Variants in DLG2 observed in about 807,000 individuals in gnomAD.
The protein encoded by DLG2 is disks large homolog 2.
A neutral mutation model predicts 132.5 loss-of-function variants in DLG2; 45 were observed. The ratio of observed to expected loss-of-function variants is 0.34; its 90% CI spans 0.27 to 0.44. DLG2 has a LOEUF of 0.44. Among genes scored for constraint, DLG2 ranks in the 20% least tolerant of loss-of-function variants. The probability of loss-of-function intolerance (pLI) is 1.00; values close to 1 mark genes in which losing one functional copy is unlikely to be tolerated. For synonymous variants in DLG2, 424 were observed against 419.6 expected (o/e 1.01, Z -0.13); for missense variants, 1,045 against 1,196.9 (o/e 0.87, Z 1.87).
chr11:84,209,308 G>T (rs1457435368), intron 8 of DLG2, among the ~76,000 whole-genome samples: 1 of 152,124 alleles, frequency 6.6e-6, no homozygotes, highest in Non-Finnish European at 1.5e-5. Flanking sequence ...AATCAAGGTC[G>T]CAAGAAATAA....
chr11:84,723,723 C>A (rs1223272216), intron 6 of DLG2, among the ~76,000 whole-genome samples: 2 of 152,026 alleles, frequency 1.3e-5, no homozygotes, highest in African/African-American at 4.8e-5. Flanking sequence ...GGAGATATTA[C>A]TAGGAAATGC....
intron 6 of DLG2, among the ~76,000 whole-genome samples, chr11:84,871,516 A>C (rs1367930924): frequency 1.3e-5 from 2 of 152,180 alleles, no homozygotes; most frequent in Non-Finnish European, 2.9e-5. Context: ...AAGCTTGAGG[A>C]AACCATAAGA....
intron 3 of DLG2, among the ~76,000 whole-genome samples, chr11:85,501,432 A>G (rs2093800814): frequency 6.6e-6 from 1 of 152,218 alleles, no homozygotes; most frequent in Non-Finnish European, 1.5e-5. Context: ...ATCTAATTAA[A>G]CTAAAGAGCT....
At position 85,219,018 on chromosome 11, in the gene DLG2, A is replaced by T. The variant is rs1418227876; in HGVS notation, c.187-64367T>A. On this transcript the variant is annotated intron_variant, in intron 4 of 27. Coordinates refer to ENST00000376104, the MANE Select transcript of DLG2 (RefSeq NM_001142699.3). ...ATGTTCTTACTTATAGGGGGAAGCT[A>T]AACACTGAGCACACATTAACATAAA... Among the ~76,000 whole-genome samples the T allele has an allele frequency of 3.9e-5, 6 of 152,166 alleles. No homozygotes were observed. In the East Asian group the frequency reaches 1.2e-3, roughly 29 times the overall value.
At chr11:83,502,707 T>A (rs972413884) in intron 21 of DLG2, among the ~76,000 whole-genome samples, 2 of 152,168 alleles carry the variant, frequency 1.3e-5, no homozygotes, top group African/African-American at 4.8e-5. Flanking sequence ...CTTACATACC[T>A]ATCCTAAAGG....
At chr11:85,211,636 G>A (rs1467030094) in intron 4 of DLG2, among the ~76,000 whole-genome samples, 1 of 152,026 alleles carries the variant, frequency 6.6e-6, no homozygotes, top group African/African-American at 2.4e-5. Flanking sequence ...TATGCCCTAG[G>A]AAAACAATCT....
chr11:85,375,897 A>G (rs2085365545), intron 3 of DLG2, among the ~76,000 whole-genome samples: 1 of 152,206 alleles, frequency 6.6e-6, no homozygotes, highest in Non-Finnish European at 1.5e-5. Context: ...CCAAGATAAG[A>G]TATTTAGAGA....
chr11:85,086,793 C>T (rs73523468), intron 6 of DLG2, among the ~76,000 whole-genome samples: 156 of 152,292 alleles, frequency 1.0e-3, no homozygotes, highest in African/African-American at 3.3e-3. Context: ...TAATTGACTA[C>T]GGCATATCAA....
intron 3 of DLG2, among the ~76,000 whole-genome samples, chr11:85,421,120 T>A (rs1470582645): frequency 6.6e-6 from 1 of 152,180 alleles, no homozygotes; most frequent in Non-Finnish European, 1.5e-5. Context: ...AATCTCCTGT[T>A]TTGTGGGTTG....
intron 3 of DLG2, among the ~76,000 whole-genome samples, chr11:85,380,039 T>C (rs1474175196): frequency 6.6e-6 from 1 of 152,182 alleles, no homozygotes; most frequent in East Asian, 1.9e-4. Flanking sequence ...CTACGTTTGA[T>C]TTTCCACAAA....
chr11:84,286,522 A>G (rs2097911541), intron 7 of DLG2, among the ~76,000 whole-genome samples: 2 of 152,326 alleles, frequency 1.3e-5, no homozygotes, highest in African/African-American at 4.8e-5. Context: ...GGCTAAAATT[A>G]TCTTTTACTT....
chr11:84,436,798 T>C (rs1394838311), intron 7 of DLG2, among the ~76,000 whole-genome samples: 1 of 152,212 alleles, frequency 6.6e-6, no homozygotes, highest in Non-Finnish European at 1.5e-5. Flanking sequence ...AAATCTATTC[T>C]TTAAATGGCC....
intron 10 of DLG2, among the ~76,000 whole-genome samples, chr11:84,070,937 C>T (rs1023565597): frequency 2.0e-5 from 3 of 152,224 alleles, no homozygotes; most frequent in Non-Finnish European, 4.4e-5. Context: ...TCCCCATAGA[C>T]AACCCTTTAC....
chr11:83,589,343 C>A (rs1483165820), intron 19 of DLG2, among the ~76,000 whole-genome samples: 1 of 145,648 alleles, frequency 6.9e-6, no homozygotes, highest in Non-Finnish European at 1.5e-5. Flanking sequence ...ATTCAACATT[C>A]TTAAAGAAAA....
chr11:85,352,426 T>C (rs2083366576), intron 3 of DLG2, among the ~76,000 whole-genome samples: 1 of 152,198 alleles, frequency 6.6e-6, no homozygotes. Context: ...TGCTCTGATA[T>C]TAGTTATTTC....
intron 7 of DLG2, among the ~76,000 whole-genome samples, chr11:84,378,206 C>CCT (rs2098736707): frequency 6.6e-6 from 1 of 152,028 alleles, no homozygotes; most frequent in Non-Finnish European, 1.5e-5. Context: ...GATTAGTGTC[C>CCT]CTAAAAGAAG....
intron 7 of DLG2, among the ~76,000 whole-genome samples, chr11:84,445,691 T>C (rs944613358): frequency 2.0e-5 from 3 of 151,446 alleles, no homozygotes; most frequent in Non-Finnish European, 3.0e-5. Context: ...CCGAGGCGGG[T>C]GGATCACTAG....
intron 4 of DLG2, among the ~76,000 whole-genome samples, chr11:85,273,262 A>T (rs1174174454): frequency 2.0e-5 from 3 of 152,178 alleles, no homozygotes; most frequent in Non-Finnish European, 2.9e-5. Context: ...ATGGGATCTA[A>T]TTAAACTAAA....
intron 11 of DLG2, among the ~76,000 whole-genome samples, chr11:84,034,910 C>G (rs926715377): frequency 3.3e-5 from 5 of 152,104 alleles, no homozygotes; most frequent in African/African-American, 1.2e-4. Context: ...AATAAATTAC[C>G]TCATGCCTCT....
Sources: gnomAD v4.1 joint callset for allele counts (sites outside exome capture counted in the v4.1 genomes callset) on GRCh38, gnomAD v4.1.1 for gene constraint, MANE v1.5 for transcripts, NCBI Gene and HGNC (gene_info 2026-07-23, HGNC 2026-07-21) for gene names.